The following PTPRG variants were observed in gnomAD, a reference collection of about 807,000 sequenced individuals.
PTPRG encodes receptor-type tyrosine-protein phosphatase gamma.
In PTPRG, 102 loss-of-function variants were observed where a neutral mutation model predicts 165.3. The ratio of observed to expected loss-of-function variants is 0.62; its 90% confidence interval spans 0.53 to 0.73. The LOEUF (loss-of-function observed/expected upper bound fraction) is 0.73. PTPRG is among the 30% of genes least tolerant of loss of function. The probability of loss-of-function intolerance (pLI) is 0.00; values close to 1 mark genes in which losing one functional copy is unlikely to be tolerated. For synonymous variants in PTPRG, 675 were observed against 669.5 expected, an observed-to-expected ratio of 1.01 and a Z score of -0.13; for missense variants, 1,866 against 1,861.4, an observed-to-expected ratio of 1.00 and a Z score of -0.05.
At chr3:62,181,414 T>G (rs977677400) in intron 8 of PTPRG, among the ~76,000 whole-genome samples, 11 of 152,140 alleles carry the variant, frequency 7.2e-5, no homozygotes. Context: ...GTACACACTT[T>G]TTTTTTCTGT....
chr3:62,067,819 G>T (rs1227520622), intron 4 of PTPRG, among the ~76,000 whole-genome samples: 1 of 152,176 alleles, frequency 6.6e-6, no homozygotes, highest in Non-Finnish European at 1.5e-5. Flanking sequence ...AGATGAGGGG[G>T]TTAGGGACCT....
chr3:61,775,582 G>A (rs535119203), intron 2 of PTPRG, among the ~76,000 whole-genome samples: 1 of 152,090 alleles, frequency 6.6e-6, no homozygotes, highest in Non-Finnish European at 1.5e-5. Flanking sequence ...CTTAGGAAAT[G>A]CTCAACAATC....
intron 2 of PTPRG, among the ~76,000 whole-genome samples, chr3:61,915,803 C>G (rs1301636361): frequency 1.3e-5 from 2 of 152,176 alleles, no homozygotes; most frequent in South Asian, 4.1e-4. Flanking sequence ...TGCAAAGCAT[C>G]ATAATATCAC....
intron 5 of PTPRG, among the ~76,000 whole-genome samples, chr3:62,097,531 G>A (rs1702158051): frequency 6.6e-6 from 1 of 152,126 alleles, no homozygotes; most frequent in African/African-American, 2.4e-5. Context: ...GGGGGCAAGA[G>A]AGGACTCCTC....
At chr3:62,001,820 G>A (rs2041177728) in intron 3 of PTPRG, among the ~76,000 whole-genome samples, 1 of 152,134 alleles carries the variant, frequency 6.6e-6, no homozygotes, top group South Asian at 2.1e-4. Flanking sequence ...ATTCATTTAA[G>A]TATTATCTGT....
chr3:61,885,698 T>TCCCCTCTC (rs2038015904), intron 2 of PTPRG, among the ~76,000 whole-genome samples: 1 of 100,606 alleles, frequency 9.9e-6, no homozygotes, highest in Non-Finnish European at 2.0e-5. Context: ...TCTCCTCTCC[T>TCCCCTCTC]CTCTCGACAG....
intron 5 of PTPRG, among the ~76,000 whole-genome samples, chr3:62,131,545 A>C (rs114002536): frequency 0.012 from 1,771 of 152,364 alleles, 15 homozygotes; most frequent in Middle Eastern, 0.034. Context: ...TGTGCTACAC[A>C]GTGAAAGGTT....
At chr3:62,104,521 G>T (rs545840515) in intron 5 of PTPRG, among the ~76,000 whole-genome samples, 103 of 152,270 alleles carry the variant, frequency 6.8e-4, no homozygotes, top group African/African-American at 2.2e-3. Flanking sequence ...TGCTCATTCA[G>T]TTATCCACTT....
chr3:61,732,553 C>G (rs983917278), intron 1 of PTPRG, among the ~76,000 whole-genome samples: 3 of 149,424 alleles, frequency 2.0e-5, no homozygotes, highest in Admixed American at 6.6e-5. Flanking sequence ...ACTAAAAATA[C>G]AAAAAATTAG....
chr3:61,818,748 T>C (rs2035864778), intron 2 of PTPRG, among the ~76,000 whole-genome samples: 1 of 151,866 alleles, frequency 6.6e-6, no homozygotes, highest in African/African-American at 2.4e-5. Flanking sequence ...AGGAGTCCTG[T>C]AAGAAGAAAT....
chr3:61,970,851 TA>T (rs2040365963), intron 2 of PTPRG, among the ~76,000 whole-genome samples: 1 of 152,230 alleles, frequency 6.6e-6, no homozygotes, highest in South Asian at 2.1e-4. Flanking sequence ...ACCTGCCACT[TA>T]TTCCTGACAC....
intron 9 of PTPRG, 141 bp from the exon 10 acceptor site, chr3:62,194,921 T>G (rs1376643880): frequency 7.9e-6 from 6 of 758,790 alleles, no homozygotes; most frequent in Non-Finnish European, 1.3e-5. Flanking sequence ...AAGCGGTCTT[T>G]CCTTCCAAAG....
intron 5 of PTPRG, among the ~76,000 whole-genome samples, chr3:62,107,909 A>C (rs769565679): frequency 1.3e-5 from 2 of 152,212 alleles, no homozygotes; most frequent in Non-Finnish European, 2.9e-5. Context: ...AAATCCGTGG[A>C]AATCTCTGCA....
chr3:61,751,125 G>A (rs2033410093), intron 2 of PTPRG: 3 of 152,212 alleles, frequency 2.0e-5, no homozygotes, highest in Admixed American at 2.0e-4. Context: ...CAGTATCTAT[G>A]GTTGGCTCAT....
At chr3:61,846,037 C>G (rs2036796339) in intron 2 of PTPRG, among the ~76,000 whole-genome samples, 1 of 152,104 alleles carries the variant, frequency 6.6e-6, no homozygotes, top group African/African-American at 2.4e-5. Flanking sequence ...TCACCTTGAG[C>G]AAAGTGCTTA....
intron 1 of PTPRG, among the ~76,000 whole-genome samples, chr3:61,582,753 CTTGTACAT>C (rs1461750186): frequency 1.3e-5 from 2 of 152,128 alleles, no homozygotes; most frequent in African/African-American, 4.8e-5. Context: ...GGAGTTTCCT[CTTGTACAT>C]TATTGCAAGG....
chr3:61,671,012 A>G (rs1575578193), intron 1 of PTPRG, among the ~76,000 whole-genome samples: 1 of 151,958 alleles, frequency 6.6e-6, no homozygotes, highest in Non-Finnish European at 1.5e-5. Flanking sequence ...ATTTGAGAAC[A>G]TGGTAGTGCC....
rs376941181 is a variant in PTPRG, at chr3:62,190,566, G to A, written c.1034-903G>A. Among the ~76,000 whole-genome samples the A allele has an allele frequency of 5.9e-5, 9 of 152,268 alleles. No homozygotes were observed. In the East Asian group the frequency reaches 1.2e-3, roughly 20 times the overall value. ...TCTCAGCCCCAAGGAATAAGAAGAT[G>A]AATGAGCCTGACTTTTCCTTACACC... On this transcript the variant is annotated intron_variant, in intron 8 of 29. Transcript: ENST00000474889. The surrounding 1 kb of genome is among the most constrained non-coding windows in gnomAD (Gnocchi z 5.2).
At chr3:62,039,839 T>TC (rs11370339) in intron 4 of PTPRG, among the ~76,000 whole-genome samples, 93,578 of 151,938 alleles carry the variant, frequency 0.62, 29,403 homozygotes, top group African/African-American at 0.74. Flanking sequence ...TTGCCTTTTT[T>TC]CCCCCAGCCA....
Sources: gnomAD v4.1 joint callset for allele counts (sites outside exome capture counted in the v4.1 genomes callset) on GRCh38, gnomAD v4.1.1 for gene constraint, Gnocchi (gnomAD v3.1) non-coding constraint, MANE v1.5 for transcripts, NCBI Gene and HGNC (gene_info 2026-07-23, HGNC 2026-07-21) for gene names.